DYNC2H1: variants seen among roughly 807,000 people sequenced by gnomAD.
DYNC2H1 encodes the protein cytoplasmic dynein 2 heavy chain 1.
In DYNC2H1, 410 loss-of-function variants were observed where a neutral mutation model predicts 570.0. The ratio of observed to expected loss-of-function variants is 0.72; its 90% CI spans 0.66 to 0.78. The LOEUF is 0.78. Among genes scored for constraint, DYNC2H1 ranks in the 30% least tolerant of loss-of-function variants. The pLI is 0.00. For missense variants in DYNC2H1, 4,865 were observed against 5,046.4 expected (o/e 0.96, Z 1.09); for synonymous variants, 1,688 against 1,677.6 (o/e 1.01, Z -0.15).
chr11:103,393,711 G>A lies in DYNC2H1; in HGVS notation c.12157-5952G>A, dbSNP rs560061348. 7.2e-5 allele frequency among the ~76,000 whole-genome samples: 11 copies of A among 152,178 alleles called. No homozygotes were observed. In the East Asian group the frequency reaches 7.7e-4, roughly 11 times the overall value. ...ATACTCCTGTATTAGTCCATTTCACGCACTGATAATGACACACCGGGACTG... is the reference window on the plus strand; with the variant it reads ...ATACTCCTGTATTAGTCCATTTCACACACTGATAATGACACACCGGGACTG... On this transcript the variant is annotated intron_variant, in intron 83 of 88. Transcript: ENST00000375735.
intron 20 of DYNC2H1, 43 bp from the exon 21 acceptor site, chr11:103,152,093 A>AAT (rs1430105439): frequency 6.8e-7 from 1 of 1,479,096 alleles, no homozygotes; most frequent in Non-Finnish European, 9.1e-7. Context: ...GATTTGATAA[A>AAT]ATAGGTTGTT....
At chr11:103,188,439 T>C in intron 43 of DYNC2H1, 58 bp from the exon 44 acceptor site, 4 of 1,349,056 alleles carry the variant, frequency 3.0e-6, no homozygotes, top group South Asian at 1.6e-5. Context: ...AAATATCCTT[T>C]ATCATGATTA....
Position 103,184,880 on chromosome 11 carries a change from G to A in DYNC2H1, c.6478-16G>A, listed in dbSNP as rs376892534. 13 of 1,608,618 alleles carry A rather than the reference G, an allele frequency of 8.1e-6. No individual in the cohort carries two copies. Among genetic ancestry groups the A allele is most frequent in the Non-Finnish European group, 9.4e-6 (11 of 1,176,428 alleles). ...GTTGCCTTTTGTCTGTTTGTATCAC[G>A]GATTTTAATCAACAGAATGACTATG... On this transcript the variant is annotated splice_polypyrimidine_tract_variant and intron_variant, in intron 40 of 88. Transcript: ENST00000375735.
chr11:103,443,556 T>G (rs1408790646), intron 85 of DYNC2H1, among the ~76,000 whole-genome samples: 1 of 151,876 alleles, frequency 6.6e-6, no homozygotes, highest in Non-Finnish European at 1.5e-5. Flanking sequence ...ATATATATTC[T>G]AGAAAGAATC....
chr11:103,212,938 A>G (rs1863214849), intron 54 of DYNC2H1, among the ~76,000 whole-genome samples: 1 of 152,170 alleles, frequency 6.6e-6, no homozygotes, highest in African/African-American at 2.4e-5. Context: ...ATTCATATGG[A>G]AAAAACTTAG....
chr11:103,456,403 T>C (rs1944790608), intron 87 of DYNC2H1, 47 bp downstream of exon 87: 2 of 1,467,008 alleles, frequency 1.4e-6, no homozygotes, highest in African/African-American at 1.4e-5. Context: ...TATCACCAAC[T>C]GATATAAGAG....
chr11:103,140,766 G>C (rs1859869589), intron 17 of DYNC2H1, among the ~76,000 whole-genome samples: 1 of 152,112 alleles, frequency 6.6e-6, no homozygotes, highest in Non-Finnish European at 1.5e-5. Flanking sequence ...TGCTAGATTG[G>C]GGAAGTTCTC....
Position 103,168,854 on chromosome 11 carries a change from C to A in DYNC2H1, c.4862C>A (p.Thr1621Asn). ...TTAAACCAAATTCAGGTTCATACAACTGAAGACTGGGCTTGGAAAAAACAA... is the reference window on the plus strand; with the variant it reads ...TTAAACCAAATTCAGGTTCATACAAATGAAGACTGGGCTTGGAAAAAACAA... Reference protein sequence around the residue: ...KQLNQIQVHTTEDWAWKKQLR... With the variant: ...KQLNQIQVHTNEDWAWKKQLR... Residue 1621 changes from threonine (T) to asparagine (N), a missense_variant, in exon 32 of 89, where the codon ACT becomes AAT. Physicochemically the swap from Thr to Asn is moderately conservative, Grantham distance 65. This residue lies in a region of DYNC2H1 where 1,936 missense variants were observed against 1,962.1 expected (regional missense o/e 0.99). Coordinates refer to ENST00000375735, the MANE Select transcript of DYNC2H1 (RefSeq NM_001377.3). The A allele has an allele frequency of 6.2e-7, 1 of 1,613,280 alleles. No individual in the cohort carries two copies. Among genetic ancestry groups the A allele is most frequent in the Non-Finnish European group, 8.5e-7 (1 of 1,179,540 alleles).
chr11:103,170,947 G>T lies in DYNC2H1; in HGVS notation c.5213G>T (p.Gly1738Val), dbSNP rs1209973260. The T allele has an allele frequency of 6.2e-7, 1 of 1,606,812 alleles. No homozygotes were observed. Among genetic ancestry groups the T allele is most frequent in the Admixed American group, 1.7e-5 (1 of 59,832 alleles). The change falls in exon 34 of 89, where the codon GGT (glycine) becomes GTT (valine). Residue 1738 changes from glycine to valine, a missense_variant. Gly to Val is a moderately radical substitution (Grantham distance 109). Transcript: ENST00000375735. This position sits in a 1 kb window ranked among gnomAD's most constrained non-coding sequence, Gnocchi z 4.8. Reference protein sequence around the residue: ...FVGLVKCGAWGCFDEFNRLEE... With the variant: ...FVGLVKCGAWVCFDEFNRLEE... ...GGTTTGGTGAAGTGTGGGGCCTGGG[G>T]TTGTTTTGATGAATTTAATAGGCTG...
intron 13 of DYNC2H1, among the ~76,000 whole-genome samples, chr11:103,132,600 A>T (rs1859333244): frequency 6.6e-6 from 1 of 151,732 alleles, no homozygotes; most frequent in South Asian, 2.1e-4. Context: ...ACTGTATAAT[A>T]TTTAATTTTT....
In DYNC2H1 at chr11:103,206,678, A is replaced by G. The variant is rs115602268; in HGVS notation, c.8454+1714A>G. Among the ~76,000 whole-genome samples the G allele has an allele frequency of 4.7e-3, 717 of 152,294 alleles. 6 individuals are homozygous for G. The highest frequency in any genetic ancestry group is 0.016 in the African/African-American group (656 of 41,574). Reference sequence around the variant, plus strand: ...CAAAAGAAGATAGCATGTCAAAGGAAGAAAGTATGATGAACAATGAAAGTA... The same window carrying G: ...CAAAAGAAGATAGCATGTCAAAGGAGGAAAGTATGATGAACAATGAAAGTA... On this transcript the variant is annotated intron_variant, in intron 52 of 88. Coordinates refer to ENST00000375735, the MANE Select transcript of DYNC2H1 (RefSeq NM_001377.3).
intron 84 of DYNC2H1, among the ~76,000 whole-genome samples, chr11:103,434,034 G>A (rs928417711): frequency 6.6e-6 from 1 of 152,044 alleles, no homozygotes; most frequent in African/African-American, 2.4e-5. Flanking sequence ...ATGATTAATT[G>A]CTCTTGGCTT....
At chr11:103,401,772 GTTAT>G in intron 84 of DYNC2H1, among the ~76,000 whole-genome samples, 1 of 136,522 alleles carries the variant, frequency 7.3e-6, no homozygotes, top group Admixed American at 7.5e-5. Context: ...TGCTGTTCTT[GTTAT>G]TGTTATTTTA....
rs1307321321 is a variant in DYNC2H1, at chr11:103,176,471, T to A, written c.5874+37T>A. On this transcript the variant is annotated intron_variant, in intron 37 of 88. Coordinates refer to ENST00000375735, the MANE Select transcript of DYNC2H1 (RefSeq NM_001377.3). ...GAATATTTTATAATAGATTGATCCCTTTTCCTAGTTGATTCCTTATTAACT... is the reference window on the plus strand; with the variant it reads ...GAATATTTTATAATAGATTGATCCCATTTCCTAGTTGATTCCTTATTAACT... 6.6e-6 allele frequency: 9 copies of A among 1,369,126 alleles called. No homozygotes were observed. In the South Asian group the frequency reaches 1.7e-4, roughly 26 times the overall value. 84.8% of individuals were successfully genotyped at this position (1,369,126 alleles called of 1,614,324 possible).
intron 85 of DYNC2H1, among the ~76,000 whole-genome samples, chr11:103,448,144 T>C (rs1944487014): frequency 6.6e-6 from 1 of 152,098 alleles, no homozygotes; most frequent in African/African-American, 2.4e-5. Flanking sequence ...AATAATAACT[T>C]TCGGTAGAAA....
intron 82 of DYNC2H1, among the ~76,000 whole-genome samples, chr11:103,355,488 C>T (rs2671337): frequency 0.55 from 83,470 of 151,972 alleles, 24,793 homozygotes; most frequent in Admixed American, 0.66. Flanking sequence ...ACTTTCTGTT[C>T]CTATAGAGTT....
chr11:103,179,242 T>C lies in DYNC2H1; in HGVS notation c.6347+9T>C. On this transcript the variant is annotated intron_variant, in intron 39 of 88. Transcript: ENST00000375735. Reference sequence around the variant, plus strand: ...GGAATGATCTTTCTTAGGTAAGCCATAGATTATTTATATACAGTATATTAG... The same window carrying C: ...GGAATGATCTTTCTTAGGTAAGCCACAGATTATTTATATACAGTATATTAG... The C allele has an allele frequency of 6.2e-7, 1 of 1,611,114 alleles. No homozygotes were observed. Among genetic ancestry groups the C allele is most frequent in the Non-Finnish European group, 8.5e-7 (1 of 1,177,820 alleles).
chr11:103,348,441 A>G (rs529726239), intron 82 of DYNC2H1, among the ~76,000 whole-genome samples: 2 of 151,794 alleles, frequency 1.3e-5, no homozygotes, highest in South Asian at 4.2e-4. Flanking sequence ...TTCTCTCAGC[A>G]CTCCCTCCTC....
At chr11:103,336,315 G>A (rs2135473520) in intron 82 of DYNC2H1, among the ~76,000 whole-genome samples, 1 of 152,224 alleles carries the variant, frequency 6.6e-6, no homozygotes, top group South Asian at 2.1e-4. Context: ...TACTTCTCTA[G>A]TTATTTTGAA....
Sources: gnomAD v4.1 joint callset for allele counts (sites outside exome capture counted in the v4.1 genomes callset) on GRCh38, gnomAD v4.1.1 for gene constraint, gnomAD v4.1.1 regional missense constraint, Gnocchi (gnomAD v3.1) non-coding constraint, MANE v1.5 for transcripts, NCBI Gene and HGNC (gene_info 2026-07-23, HGNC 2026-07-21) for gene names.